SENP7: variants seen among roughly 807,000 people sequenced by gnomAD.
The protein encoded by SENP7 is SUMO specific peptidase 7.
A neutral mutation model predicts 141.2 loss-of-function variants in SENP7; 64 were observed. The ratio of observed to expected loss-of-function variants is 0.45; its 90% CI spans 0.37 to 0.56. The LOEUF is 0.56. SENP7 is among the 20% of genes least tolerant of loss of function. The pLI, the probability that SENP7 is intolerant of heterozygous loss-of-function variation, is 0.00. For synonymous variants in SENP7, 382 were observed against 426.4 expected (o/e 0.90, Z 1.28); for missense variants, 1,025 against 1,212.2 (o/e 0.85, Z 2.29).
intron 1 of SENP7, among the ~76,000 whole-genome samples, chr3:101,505,028 G>A (rs911995464): frequency 1.3e-5 from 2 of 151,822 alleles, no homozygotes; most frequent in African/African-American, 4.8e-5. Flanking sequence ...TTGCACCACT[G>A]CACTCCAGTC....
chr3:101,405,395 T>C (rs10936606), intron 5 of SENP7, among the ~76,000 whole-genome samples: 60,364 of 151,928 alleles, frequency 0.4, 12,509 homozygotes, highest in Admixed American at 0.54. Flanking sequence ...AGTACTATAA[T>C]AAGGGAACAC....
chr3:101,326,665 AG>A (rs1203538933), intron 23 of SENP7, among the ~76,000 whole-genome samples: 1 of 152,162 alleles, frequency 6.6e-6, no homozygotes, highest in African/African-American at 2.4e-5. Context: ...TCTGTGAGCT[AG>A]AAAATAACAC....
At chr3:101,459,648 A>T (rs1478197871) in intron 3 of SENP7, among the ~76,000 whole-genome samples, 1 of 152,214 alleles carries the variant, frequency 6.6e-6, no homozygotes, top group African/African-American at 2.4e-5. Flanking sequence ...ATATACAATG[A>T]TTACATCTGT....
At chr3:101,494,086 T>C in intron 2 of SENP7, 118 bp from the exon 3 acceptor site, 1 of 487,310 alleles carries the variant, frequency 2.1e-6, no homozygotes, top group South Asian at 4.1e-5. Flanking sequence ...TAAGGAGTTT[T>C]AAATTCAGTG....
At chr3:101,485,823 C>A (rs2064703463) in intron 3 of SENP7, among the ~76,000 whole-genome samples, 3 of 151,856 alleles carry the variant, frequency 2.0e-5, no homozygotes. Context: ...AGGGAGGGAC[C>A]AGAGAAAGGT....
At chr3:101,458,054 T>C (rs1197111357) in intron 4 of SENP7, among the ~76,000 whole-genome samples, 1 of 152,186 alleles carries the variant, frequency 6.6e-6, no homozygotes, top group African/African-American at 2.4e-5. Flanking sequence ...GAAAACTGAG[T>C]GTGTGCTTGT....
At chr3:101,463,216 G>A (rs2063607528) in intron 3 of SENP7, among the ~76,000 whole-genome samples, 1 of 151,608 alleles carries the variant, frequency 6.6e-6, no homozygotes. Flanking sequence ...AAAGGTCGTG[G>A]CACATGTCTG....
intron 10 of SENP7, among the ~76,000 whole-genome samples, chr3:101,364,423 G>C (rs892635197): frequency 6.6e-6 from 1 of 152,128 alleles, no homozygotes; most frequent in Non-Finnish European, 1.5e-5. Flanking sequence ...TATCTCCAAA[G>C]CCATGTTCTT....
chr3:101,412,332 A>G (rs2061478767), intron 5 of SENP7, among the ~76,000 whole-genome samples: 1 of 152,082 alleles, frequency 6.6e-6, no homozygotes, highest in South Asian at 2.1e-4. Flanking sequence ...TACCTTCTAA[A>G]TCAGCATCTT....
At position 101,325,804 on chromosome 3, in the gene SENP7, T is replaced by A; in HGVS notation, c.*139A>T. On this transcript the variant is annotated 3_prime_UTR_variant, in exon 24 of 24. Coordinates refer to ENST00000394095, the MANE Select transcript of SENP7 (RefSeq NM_020654.5). Reference sequence around the variant, plus strand: ...AACAATTCTAATAATGTGTCCTACATATTTTAAATAATGTTCCAATGACTT... The same window carrying A: ...AACAATTCTAATAATGTGTCCTACAAATTTTAAATAATGTTCCAATGACTT... 1.5e-6 allele frequency: 1 copy of A among 686,768 alleles called. No homozygotes were observed. Among genetic ancestry groups the A allele is most frequent in the Non-Finnish European group, 2.3e-6 (1 of 443,296 alleles). 42.5% of individuals were successfully genotyped at this position (686,768 alleles called of 1,614,324 possible). A position where few individuals can be genotyped will look rare whatever the true frequency, so the allele number is the denominator to read the frequency against.
chr3:101,379,868 A>G (rs2060445768), intron 6 of SENP7, among the ~76,000 whole-genome samples: 1 of 152,214 alleles, frequency 6.6e-6, no homozygotes, highest in Non-Finnish European at 1.5e-5. Flanking sequence ...ACACACACTG[A>G]ACACCCATGT....
intron 3 of SENP7, among the ~76,000 whole-genome samples, chr3:101,476,469 G>C (rs2064223239): frequency 6.6e-6 from 1 of 152,158 alleles, no homozygotes; most frequent in Non-Finnish European, 1.5e-5. Flanking sequence ...TGGTGTATAT[G>C]TGCCACATTT....
At chr3:101,468,116 A>C (rs992916942) in intron 3 of SENP7, among the ~76,000 whole-genome samples, 1 of 152,210 alleles carries the variant, frequency 6.6e-6, no homozygotes, top group South Asian at 2.1e-4. Flanking sequence ...CAGTGATTGA[A>C]GATCAGATTA....
At chr3:101,355,320 C>A (rs2059711988) in intron 11 of SENP7, among the ~76,000 whole-genome samples, 1 of 152,128 alleles carries the variant, frequency 6.6e-6, no homozygotes, top group African/African-American at 2.4e-5. Context: ...CCTAGGTTGT[C>A]TTCCAGGGTT....
At chr3:101,411,390 T>C (rs1243221587) in intron 5 of SENP7, among the ~76,000 whole-genome samples, 1 of 152,208 alleles carries the variant, frequency 6.6e-6, no homozygotes, top group African/African-American at 2.4e-5. Context: ...CAATATACAA[T>C]TAAAGTATAT....
At chr3:101,333,494 G>T (rs1035653524) in intron 17 of SENP7, among the ~76,000 whole-genome samples, 8 of 152,028 alleles carry the variant, frequency 5.3e-5, no homozygotes, top group Admixed American at 3.9e-4. Flanking sequence ...ACTGCACTCT[G>T]GCCTCAGTAA....
chr3:101,477,103 A>G (rs2064251191), intron 3 of SENP7, among the ~76,000 whole-genome samples: 2 of 152,160 alleles, frequency 1.3e-5, no homozygotes, highest in South Asian at 4.1e-4. Context: ...CTTCAGTTTA[A>G]TTAGATCCCA....
chr3:101,402,396 G>A (rs1318991512), intron 5 of SENP7, among the ~76,000 whole-genome samples: 4 of 152,006 alleles, frequency 2.6e-5, no homozygotes, highest in East Asian at 3.9e-4. Context: ...GGCAGAGGCC[G>A]GCGGATAACT....
chr3:101,387,048 G>A (rs2060675502), intron 6 of SENP7, among the ~76,000 whole-genome samples: 1 of 151,926 alleles, frequency 6.6e-6, no homozygotes, highest in South Asian at 2.1e-4. Context: ...GCACCATACA[G>A]GGGACTGAGT....
Sources: gnomAD v4.1 joint callset for allele counts (sites outside exome capture counted in the v4.1 genomes callset) on GRCh38, gnomAD v4.1.1 for gene constraint, MANE v1.5 for transcripts, NCBI Gene and HGNC (gene_info 2026-07-23, HGNC 2026-07-21) for gene names.